Variants in TCP11L2 observed in about 807,000 individuals in gnomAD.
The protein encoded by TCP11L2 is t-complex 11 like 2, also known as T-complex protein 11-like protein 2.
A neutral mutation model predicts 50.7 loss-of-function variants in TCP11L2; 39 were observed. The observed-to-expected ratio is 0.77, with a 90% confidence interval of 0.60 to 1.01. The LOEUF (loss-of-function observed/expected upper bound fraction) is 1.01, where lower values mean the gene tolerates loss of function less well. Ranked by LOEUF, TCP11L2 falls within the 50% of genes least tolerant of loss-of-function variation. The probability of loss-of-function intolerance (pLI) is 0.00; values close to 1 mark genes in which losing one functional copy is unlikely to be tolerated. For synonymous variants in TCP11L2, 192 were observed against 219.3 expected, an observed-to-expected ratio of 0.88 and a Z score of 1.10; for missense variants, 612 against 614.7, an observed-to-expected ratio of 1.00 and a Z score of 0.05.
Position 106,320,852 on chromosome 12 carries a change from G to T in TCP11L2, c.415-634G>T, listed in dbSNP as rs1168964674. Among the ~76,000 whole-genome samples the T allele has an allele frequency of 8.7e-4, 133 of 152,322 alleles. 1 individual carries two copies. The highest frequency in any genetic ancestry group is 3.7e-4 in the Non-Finnish European group (25 of 68,032). On this transcript the variant is annotated intron_variant, in intron 4 of 9. Coordinates refer to ENST00000299045, the MANE Select transcript of TCP11L2 (RefSeq NM_152772.3). ...TTATTATTTATTTTTGAACTGTGTG[G>T]TGGTAGGAGGTGTTCCTTAAGAATT...
intron 3 of TCP11L2, among the ~76,000 whole-genome samples, chr12:106,316,866 TTAAA>T (rs1371777352): frequency 7.9e-5 from 12 of 152,208 alleles, no homozygotes; most frequent in African/African-American, 2.9e-4. Context: ...GAGTCTTGTT[TTAAA>T]GTTAAAATTT....
chr12:106,300,213 C>T (rs2034387257), upstream of TCP11L2, among the ~76,000 whole-genome samples: 2 of 151,398 alleles, frequency 1.3e-5, no homozygotes, highest in South Asian at 4.2e-4. Context: ...ATAACCTGAG[C>T]AGGGAAGATT....
chr12:106,323,674 T>C, intron 6 of TCP11L2, 28 bp downstream of exon 6: 1 of 1,268,948 alleles, frequency 7.9e-7, no homozygotes. Context: ...TGTATTTATA[T>C]TGAAATTAGG....
intron 6 of TCP11L2, chr12:106,325,879 A>G (rs1362861019): frequency 7.1e-6 from 1 of 140,994 alleles, no homozygotes; most frequent in Non-Finnish European, 1.5e-5. Flanking sequence ...GGGCTGAGCA[A>G]GACTCCGTCT....
chr12:106,335,593 G>C (rs1426144092), intron 6 of TCP11L2, 46 bp from the exon 7 acceptor site: 8 of 1,586,850 alleles, frequency 5.0e-6, no homozygotes, highest in Non-Finnish European at 6.9e-6. Context: ...CACCAGTGAA[G>C]GGATCAATCA....
chr12:106,328,653 A>C (rs1317774987), intron 6 of TCP11L2, among the ~76,000 whole-genome samples: 2 of 152,204 alleles, frequency 1.3e-5, no homozygotes, highest in South Asian at 2.1e-4. Context: ...CCTTCTTTGA[A>C]TTTTTCAGTT....
At chr12:106,314,111 T>C (rs2034972207) in intron 2 of TCP11L2, among the ~76,000 whole-genome samples, 1 of 152,216 alleles carries the variant, frequency 6.6e-6, no homozygotes, top group Non-Finnish European at 1.5e-5. Flanking sequence ...CCTATATTAA[T>C]AAGTTGGTCT....
chr12:106,320,620 G>C lies in TCP11L2; in HGVS notation c.415-866G>C, dbSNP rs76099139. ...AGTGAGTGCATCCTGCAGTGGAATG[G>C]CATCCTGTCCAGGGCTGGTTCCTGC... On this transcript the variant is annotated intron_variant, in intron 4 of 9. Coordinates refer to ENST00000299045, the MANE Select transcript of TCP11L2 (RefSeq NM_152772.3). Among the ~76,000 whole-genome samples, 1,097 of 152,304 alleles carry C rather than the reference G, an allele frequency of 7.2e-3. 14 individuals carry two copies. The highest frequency in any genetic ancestry group is 0.025 in the African/African-American group (1,052 of 41,556).
rs1404519508 is a variant in TCP11L2, at chr12:106,346,470, A to C, written c.1500A>C (p.Arg500=). 27 of 1,614,200 alleles carry C rather than the reference A, an allele frequency of 1.7e-5. No homozygotes were observed. The highest frequency in any genetic ancestry group is 2.3e-5 in the Non-Finnish European group (27 of 1,180,026). ...GACCATTTTATGCAAATATACTTCG[A>C]AAGCTGCTCTTCAATGAGGAAGCCA... ...VYGPFYANIL[R]KLLFNEEAMG... is the part of the protein sequence containing the mutation. The change falls in exon 10 of 10, where the codon CGA becomes CGC. Residue 500 remains arginine (R), a synonymous_variant. Transcript: ENST00000299045.
rs974976308 is a variant in TCP11L2, at chr12:106,314,240, A to T, written c.158-118A>T. 3.7e-4 allele frequency: 385 copies of T among 1,053,814 alleles called. 1 individual carries two copies. The highest frequency in any genetic ancestry group is 4.3e-4 in the Middle Eastern group (2 of 4,656). 65.3% of individuals were successfully genotyped at this position (1,053,814 alleles called of 1,614,324 possible). On this transcript the variant is annotated intron_variant, in intron 2 of 9. Transcript: ENST00000299045. ...ACCTATTTTAATATATAGTCTCCTG[A>T]CCTATAAAACTCTGAAGTATATACA...
intron 6 of TCP11L2, among the ~76,000 whole-genome samples, chr12:106,330,762 C>T (rs1347688567): frequency 6.6e-6 from 1 of 152,120 alleles, no homozygotes. Flanking sequence ...TTCTTGCCTT[C>T]TTTCCATTGT....
chr12:106,316,702 A>C (rs2035097839), intron 3 of TCP11L2, among the ~76,000 whole-genome samples: 1 of 151,788 alleles, frequency 6.6e-6, no homozygotes, highest in Non-Finnish European at 1.5e-5. Context: ...TTTTTAATGT[A>C]TTTTTTGCCT....
chr12:106,335,564 G>T (rs1221506330), intron 6 of TCP11L2, 75 bp from the exon 7 acceptor site: 2 of 1,473,334 alleles, frequency 1.4e-6, no homozygotes, highest in Non-Finnish European at 1.9e-6. Context: ...ACCCAACACA[G>T]CATCTGTCAA....
rs141186064 is a variant in TCP11L2 at position 106,312,019 on chromosome 12, A to G, written c.157+787A>G. On this transcript the variant is annotated intron_variant, in intron 2 of 9. Coordinates refer to ENST00000299045, the MANE Select transcript of TCP11L2 (RefSeq NM_152772.3). Reference sequence around the variant, plus strand: ...AAGATACATAAGAATAGAGAAAAGAAAACATTGCCTATGATATCACTCAAA... The same window carrying G: ...AAGATACATAAGAATAGAGAAAAGAGAACATTGCCTATGATATCACTCAAA... Among the ~76,000 whole-genome samples, 371 of 152,364 alleles carry G rather than the reference A, an allele frequency of 2.4e-3. 3 individuals are homozygous for G. Among genetic ancestry groups the G allele is most frequent in the African/African-American group, 8.4e-3 (351 of 41,596 alleles).
chr12:106,338,302 C>T (rs1449774611), intron 8 of TCP11L2, among the ~76,000 whole-genome samples: 2 of 152,168 alleles, frequency 1.3e-5, no homozygotes, highest in East Asian at 3.9e-4. Context: ...TTTTTCAACC[C>T]TCACCCTCCT....
rs770844609 is a variant in TCP11L2 at position 106,321,648 on chromosome 12, G to A, written c.577G>A (p.Val193Met). 26 of 1,614,040 alleles carry A rather than the reference G, an allele frequency of 1.6e-5. No individual in the cohort carries two copies. Among genetic ancestry groups the A allele is most frequent in the Admixed American group, 1.0e-4 (6 of 60,006 alleles). Residue 193 changes from valine to methionine, a missense_variant, in exon 5 of 10, where the codon GTG (valine) becomes ATG (methionine). Physicochemically the swap from Val to Met is conservative, Grantham distance 21. Coordinates refer to ENST00000299045, the MANE Select transcript of TCP11L2 (RefSeq NM_152772.3). ...TACGATGGGAAAGCTGTGTGCTCCC[G>A]TGCGAGATAATGATATCAGAGAGTT... ...ISTMGKLCAP[V>M]RDNDIRELKA...
rs1289246509 is a variant in TCP11L2, at chr12:106,321,582, A to G, written c.511A>G (p.Ser171Gly). 3 of 1,614,120 alleles carry G rather than the reference A, an allele frequency of 1.9e-6. No homozygotes were observed. Among genetic ancestry groups the G allele is most frequent in the African/African-American group, 1.3e-5 (1 of 74,932 alleles). The change falls in exon 5 of 10, where the codon AGT becomes GGT. Residue 171 changes from serine to glycine, a missense_variant. Transcript: ENST00000299045. ...CCTCATTAGGCAGCAGGCTGAGCAC[A>G]GTGCTGTTGACATCCAAGGCCTGGC... ...TDLIRQQAEHSAVDIQGLANY... is the reference protein window; with the variant it reads ...TDLIRQQAEHGAVDIQGLANY...
At chr12:106,326,653 A>T (rs928492295) in intron 6 of TCP11L2, among the ~76,000 whole-genome samples, 1 of 152,194 alleles carries the variant, frequency 6.6e-6, no homozygotes, top group Non-Finnish European at 1.5e-5. Context: ...AGGTTAAGGT[A>T]CTTAGTCTAG....
At chr12:106,318,258 A>G in intron 3 of TCP11L2, 86 bp from the exon 4 acceptor site, 3 of 1,459,844 alleles carry the variant, frequency 2.1e-6, no homozygotes, top group East Asian at 4.7e-5. Flanking sequence ...TTTACATTTT[A>G]TAAGATTTCT....
Sources: gnomAD v4.1 joint callset for allele counts (sites outside exome capture counted in the v4.1 genomes callset) on GRCh38, gnomAD v4.1.1 for gene constraint, MANE v1.5 for transcripts, NCBI Gene and HGNC (gene_info 2026-07-23, HGNC 2026-07-21) for gene names.